EPB41L4B: variants seen among roughly 807,000 people sequenced by gnomAD.
EPB41L4B encodes band 4.1-like protein 4B.
A neutral mutation model predicts 112.5 loss-of-function variants in EPB41L4B; 30 were observed. That is an observed-to-expected ratio of 0.27 (90% CI 0.20 to 0.36). The LOEUF is 0.36. Among genes scored for constraint, EPB41L4B ranks in the 10% least tolerant of loss-of-function variants. The pLI, the probability that EPB41L4B is intolerant of heterozygous loss-of-function variation, is 1.00. For missense variants in EPB41L4B, 1,024 were observed against 1,133.3 expected, an observed-to-expected ratio of 0.90 and a Z score of 1.38; for synonymous variants, 408 against 439.7, an observed-to-expected ratio of 0.93 and a Z score of 0.90.
chr9:109,214,230 C>G (rs2118821618), intron 16 of EPB41L4B, among the ~76,000 whole-genome samples: 1 of 152,242 alleles, frequency 6.6e-6, no homozygotes, highest in East Asian at 1.9e-4. Context: ...CCTTAAAAGC[C>G]ATGTTATGTT....
chr9:109,189,197 A>T lies in EPB41L4B; in HGVS notation c.2301+3081T>A, dbSNP rs148071021. Among the ~76,000 whole-genome samples the T allele has an allele frequency of 6.3e-3, 954 of 152,324 alleles. 9 individuals carry two copies. The highest frequency in any genetic ancestry group is 0.022 in the African/African-American group (903 of 41,580). ...AATTCAGATCTGATTACGAACTCTG[A>T]TACAGAATCGGAAATGGAAAGACGT... On this transcript the variant is annotated intron_variant, in intron 22 of 25. Coordinates refer to ENST00000374566, the MANE Select transcript of EPB41L4B (RefSeq NM_019114.5).
At chr9:109,222,433 C>A (rs12553631) in intron 15 of EPB41L4B, among the ~76,000 whole-genome samples, 4 of 152,010 alleles carry the variant, frequency 2.6e-5, no homozygotes, top group Non-Finnish European at 1.5e-5. Flanking sequence ...TTGTGCCCTG[C>A]GGAACTCCTG....
At chr9:109,250,326 G>A (rs1172346398) in intron 13 of EPB41L4B, among the ~76,000 whole-genome samples, 1 of 152,140 alleles carries the variant, frequency 6.6e-6, no homozygotes, top group Non-Finnish European at 1.5e-5. Flanking sequence ...GCTCACCGGG[G>A]TATCTGCAAC....
At position 109,209,486 on chromosome 9, in the gene EPB41L4B, C is replaced by A. The variant is rs369572634; in HGVS notation, c.1753-1437G>T. Among the ~76,000 whole-genome samples the A allele has an allele frequency of 6.5e-3, 985 of 151,924 alleles. 10 individuals are homozygous for A. The highest frequency in any genetic ancestry group is 0.022 in the African/African-American group (929 of 41,432). On this transcript the variant is annotated intron_variant, in intron 17 of 25. Transcript: ENST00000374566. ...GACCAGCCTGGGAAACACAGCGAAA[C>A]CCCATCTCTACTAAAAATAGAAAAA...
chr9:109,247,055 G>A (rs924757459), intron 14 of EPB41L4B, among the ~76,000 whole-genome samples: 3 of 152,004 alleles, frequency 2.0e-5, no homozygotes, highest in African/African-American at 7.3e-5. Flanking sequence ...AAGTGCAGTG[G>A]TATTCATGAT....
At chr9:109,268,337 G>A (rs931240325) in intron 3 of EPB41L4B, 54 bp downstream of exon 3, 150 of 1,505,440 alleles carry the variant, frequency 1.0e-4, no homozygotes, top group Non-Finnish European at 1.3e-4. Flanking sequence ...CACTGGCAAA[G>A]GAGTTTACTC....
chr9:109,174,877 G>A lies in EPB41L4B; in HGVS notation c.2634-254C>T, dbSNP rs554633817. On this transcript the variant is annotated intron_variant, in intron 25 of 25. Coordinates refer to ENST00000374566, the MANE Select transcript of EPB41L4B (RefSeq NM_019114.5). ...CATCTCTAAACCTCCAGAGCCTTGC[G>A]CAGTATCTGGTGCATGGCAGCCACT... 7.3e-5 allele frequency among the ~76,000 whole-genome samples: 11 copies of A among 150,202 alleles called. No individual in the cohort carries two copies. The South Asian group carries it at 2.3e-3, about 32-fold the overall frequency.
intron 15 of EPB41L4B, chr9:109,240,294 C>T (rs1397829980): frequency 3.0e-6 from 3 of 985,286 alleles, no homozygotes; most frequent in Non-Finnish European, 3.6e-6. Context: ...TGGAATACAC[C>T]TGTAAACAAA....
intron 1 of EPB41L4B, among the ~76,000 whole-genome samples, chr9:109,281,733 TTAA>T (rs1836066506): frequency 8.0e-6 from 1 of 124,960 alleles, no homozygotes; most frequent in African/African-American, 3.0e-5. Context: ...AATTAATTAA[TTAA>T]TTTTAAAAAA....
intron 22 of EPB41L4B, 70 bp downstream of exon 22, chr9:109,192,208 C>T: frequency 8.1e-7 from 1 of 1,242,170 alleles, no homozygotes; most frequent in Non-Finnish European, 1.1e-6. Context: ...CACCTCTGTC[C>T]ATCCGTCCCA....
intron 20 of EPB41L4B, among the ~76,000 whole-genome samples, chr9:109,195,367 A>T (rs1340626445): frequency 6.6e-6 from 1 of 152,212 alleles, no homozygotes; most frequent in African/African-American, 2.4e-5. Context: ...TGCAGTGCGG[A>T]TGGGATTGAC....
rs186025325 is a variant in EPB41L4B, at chr9:109,287,710, A to G, written c.307-7789T>C. ...TTACAGTGGTGTCATCATGGCTAAC[A>G]CCAGCCTTGATCTCCTGGGCTCAAG... On this transcript the variant is annotated intron_variant, in intron 1 of 25. Coordinates refer to ENST00000374566, the MANE Select transcript of EPB41L4B (RefSeq NM_019114.5). 3.7e-3 allele frequency among the ~76,000 whole-genome samples: 565 copies of G among 152,072 alleles called. 1 individual carries two copies. Among genetic ancestry groups the G allele is most frequent in the African/African-American group, 0.013 (545 of 41,456 alleles).
At chr9:109,256,343 A>G (rs1478127726) in intron 8 of EPB41L4B, 50 bp downstream of exon 8, 29 of 1,601,290 alleles carry the variant, frequency 1.8e-5, no homozygotes, top group Non-Finnish European at 2.5e-5. Context: ...ATGTTCATAC[A>G]TTTTTCAGTA....
chr9:109,263,443 T>C (rs1275062749), intron 5 of EPB41L4B, among the ~76,000 whole-genome samples: 1 of 152,262 alleles, frequency 6.6e-6, no homozygotes, highest in Non-Finnish European at 1.5e-5. Flanking sequence ...ATTTATTTTA[T>C]CTTGATATAG....
At chr9:109,178,902 T>A (rs199520102) in intron 24 of EPB41L4B, among the ~76,000 whole-genome samples, 212 of 105,106 alleles carry the variant, frequency 2.0e-3, no homozygotes, top group African/African-American at 2.1e-3. Context: ...ATACTTCAAG[T>A]AAAAAAAAAA....
intron 1 of EPB41L4B, among the ~76,000 whole-genome samples, chr9:109,306,922 A>C (rs1303722285): frequency 6.7e-6 from 1 of 150,218 alleles, no homozygotes; most frequent in Non-Finnish European, 1.5e-5. Flanking sequence ...TCCACACCCC[A>C]CCCTAAATGA....
chr9:109,224,280 A>C (rs1833688560), intron 15 of EPB41L4B, among the ~76,000 whole-genome samples: 1 of 152,202 alleles, frequency 6.6e-6, no homozygotes, highest in South Asian at 2.1e-4. Context: ...AACAGGTAGA[A>C]ACACCCCAAA....
At chr9:109,252,498 A>G (rs996240091) in intron 12 of EPB41L4B, among the ~76,000 whole-genome samples, 13 of 152,150 alleles carry the variant, frequency 8.5e-5, no homozygotes, top group Non-Finnish European at 1.8e-4. Context: ...AGCAGCTGGG[A>G]GTGACTAAGA....
intron 1 of EPB41L4B, among the ~76,000 whole-genome samples, chr9:109,298,945 C>T (rs968801681): frequency 3.9e-5 from 6 of 152,196 alleles, no homozygotes; most frequent in African/African-American, 1.4e-4. Context: ...CTGAACCCCC[C>T]ACAGTCCCTA....
Sources: allele counts gnomAD v4.1 joint callset (sites outside exome capture counted in the v4.1 genomes callset), GRCh38; gene constraint gnomAD v4.1.1; transcripts MANE v1.5; gene names NCBI Gene and HGNC (gene_info 2026-07-23, HGNC 2026-07-21).